Variants in ACOX3 observed in about 807,000 individuals in gnomAD.
ACOX3 encodes the protein peroxisomal acyl-coenzyme A oxidase 3.
In ACOX3, 73 loss-of-function variants were observed where a neutral mutation model predicts 81.5. The ratio of observed to expected loss-of-function variants is 0.90; its 90% CI spans 0.74 to 1.09. The LOEUF is 1.09. Ranked by LOEUF, ACOX3 falls within the 50% of genes least tolerant of loss-of-function variation. ACOX3 has a pLI of 0.00. For missense variants in ACOX3, 947 were observed against 928.0 expected, an observed-to-expected ratio of 1.02 and a Z score of -0.27; for synonymous variants, 387 against 375.1, an observed-to-expected ratio of 1.03 and a Z score of -0.37.
downstream of ACOX3, chr4:8,366,244 G>T (rs1334647340): frequency 6.6e-6 from 1 of 152,354 alleles, no homozygotes; most frequent in Non-Finnish European, 1.5e-5. Context: ...GCAAGGACTT[G>T]CTGGGTAGAC....
intron 6 of ACOX3, among the ~76,000 whole-genome samples, chr4:8,409,949 T>C (rs1025365236): frequency 5.3e-5 from 8 of 150,882 alleles, no homozygotes; most frequent in African/African-American, 2.0e-4. Flanking sequence ...CGGCTGTCTG[T>C]GCACTGTGGG....
chr4:8,371,575 C>A (rs1716202819), intron 16 of ACOX3, among the ~76,000 whole-genome samples: 1 of 148,878 alleles, frequency 6.7e-6, no homozygotes, highest in African/African-American at 2.6e-5. Flanking sequence ...AATGCCGTGG[C>A]TACACTGCAT....
At chr4:8,364,719 C>G (rs974779122), downstream of ACOX3, among the ~76,000 whole-genome samples, 33 of 152,352 alleles carry the variant, frequency 2.2e-4, no homozygotes, top group African/African-American at 7.9e-4. The surrounding 1 kb of genome is among the most constrained non-coding windows in gnomAD (Gnocchi z 5.0). Flanking sequence ...CTTGAACATA[C>G]CCTTGACCTT....
intron 5 of ACOX3, among the ~76,000 whole-genome samples, chr4:8,413,520 C>G (rs1722006681): frequency 6.9e-6 from 1 of 145,206 alleles, no homozygotes; most frequent in Non-Finnish European, 1.5e-5. Flanking sequence ...TCCATGCACC[C>G]CTCCATGCAC....
chr4:8,368,643 T>C lies in ACOX3; in HGVS notation c.1984-1563A>G. The stretch of plus-strand genomic sequence containing the variant: ...GATTTAAGGATGGTCTCAACTCCCC[T>C]GCAGCTCTGTTTGTTCGCTTATAGT... On this transcript the variant is annotated intron_variant, in intron 17 of 17. Transcript: ENST00000356406. The surrounding 1 kb of genome is among the most constrained non-coding windows in gnomAD (Gnocchi z 5.9). 6.6e-6 allele frequency among the ~76,000 whole-genome samples: 1 copy of C among 152,154 alleles called. No individual in the cohort carries two copies. Among genetic ancestry groups the C allele is most frequent in the East Asian group, 1.9e-4 (1 of 5,184 alleles).
chr4:8,434,656 G>C (rs923015390), intron 1 of ACOX3, among the ~76,000 whole-genome samples: 1 of 152,248 alleles, frequency 6.6e-6, no homozygotes, highest in Non-Finnish European at 1.5e-5. Flanking sequence ...TGGTAAGACT[G>C]GTCTTTGGAA....
Position 8,416,482 on chromosome 4 carries a change from G to A in ACOX3, c.40C>T (p.Pro14Ser). The A allele has an allele frequency of 6.2e-7, 1 of 1,613,714 alleles. No individual in the cohort carries two copies. Among genetic ancestry groups the A allele is most frequent in the South Asian group, 1.1e-5 (1 of 91,036 alleles). ...TVEGGDTALL[P>S]EFPRGPLDAY... ...TCGAGGGGCCCCCTGGGGAATTCTG[G>A]GAGCAGAGCTGTGTCGCCTCCTTCC... Residue 14 changes from proline (P) to serine (S), a missense_variant, in exon 2 of 18, where the codon CCA becomes TCA. By Grantham distance (74) the Pro-to-Ser change is moderately conservative. Transcript: ENST00000356406. The surrounding 1 kb of genome is among the most constrained non-coding windows in gnomAD (Gnocchi z 4.2).
chr4:8,392,060 G>A (rs550211218), intron 11 of ACOX3, among the ~76,000 whole-genome samples: 1 of 152,342 alleles, frequency 6.6e-6, no homozygotes, highest in African/African-American at 2.4e-5. Context: ...AACTTGTTCT[G>A]CAATGGACCA....
At chr4:8,436,641 A>G (rs1370413304) in intron 1 of ACOX3, among the ~76,000 whole-genome samples, 1 of 152,198 alleles carries the variant, frequency 6.6e-6, no homozygotes, top group Non-Finnish European at 1.5e-5. Context: ...GGAGCTGACA[A>G]GAGCCTAAGT....
At chr4:8,371,707 A>G (rs1245317057) in intron 16 of ACOX3, among the ~76,000 whole-genome samples, 1 of 152,286 alleles carries the variant, frequency 6.6e-6, no homozygotes, top group African/African-American at 2.4e-5. Context: ...CGCGCTCTGC[A>G]GGGCGTGGCC....
chr4:8,384,624 C>A lies in ACOX3; in HGVS notation c.1538-3017G>T, dbSNP rs1718082586. On this transcript the variant is annotated intron_variant, in intron 13 of 17. Coordinates refer to ENST00000356406, the MANE Select transcript of ACOX3 (RefSeq NM_003501.3). The surrounding 1 kb of genome is among the most constrained non-coding windows in gnomAD (Gnocchi z 5.3). ...CACCCAATGACTGCCCCTCGATCTG[C>A]CCCCTCCCCAGCTGGGGCTCTGTCC... Among the ~76,000 whole-genome samples the A allele has an allele frequency of 6.6e-6, 1 of 152,172 alleles. No homozygotes were observed. Among genetic ancestry groups the A allele is most frequent in the African/African-American group, 2.4e-5 (1 of 41,446 alleles).
At chr4:8,359,579 G>A in the ACOX3 span, among the ~76,000 whole-genome samples, 1 of 152,196 alleles carries the variant, frequency 6.6e-6, no homozygotes, top group South Asian at 2.1e-4. The surrounding 1 kb of genome is among the most constrained non-coding windows in gnomAD (Gnocchi z 6.0). Context: ...TGATGGCTGT[G>A]AGTGACAGAA....
At chr4:8,426,169 T>C (rs1435295995) in intron 1 of ACOX3, among the ~76,000 whole-genome samples, 1 of 151,912 alleles carries the variant, frequency 6.6e-6, no homozygotes, top group Non-Finnish European at 1.5e-5. Flanking sequence ...TAGCCAAATA[T>C]CAACAAGTTC....
In ACOX3 at chr4:8,381,073, A is replaced by G. The variant is rs1717585980; in HGVS notation, c.1653+419T>C. Reference sequence around the variant, plus strand: ...CAAGGCCAACGATGACCCACTCACCATTGCCACCCCAGCCCCTCGGGAAGG... The same window carrying G: ...CAAGGCCAACGATGACCCACTCACCGTTGCCACCCCAGCCCCTCGGGAAGG... On this transcript the variant is annotated intron_variant, in intron 14 of 17. Coordinates refer to ENST00000356406, the MANE Select transcript of ACOX3 (RefSeq NM_003501.3). This position sits in a 1 kb window ranked among gnomAD's most constrained non-coding sequence, Gnocchi z 4.3. 6.6e-6 allele frequency among the ~76,000 whole-genome samples: 1 copy of G among 152,246 alleles called. No homozygotes were observed. The highest frequency in any genetic ancestry group is 1.5e-5 in the Non-Finnish European group (1 of 68,016).
chr4:8,406,125 G>A lies in ACOX3; in HGVS notation c.688-82C>T. 1.4e-6 allele frequency: 2 copies of A among 1,408,366 alleles called. No individual in the cohort carries two copies. The highest frequency in any genetic ancestry group is 1.0e-6 in the Non-Finnish European group (1 of 997,752). The allele number at this position is 1,408,366 out of a possible 1,614,324, so 87.2% of individuals were successfully genotyped here. ...AAACAAATGTGTTCAGAAACCCACAGGGTGGGCCATGGGCTCAACGCTGGG... is the reference window on the plus strand; with the variant it reads ...AAACAAATGTGTTCAGAAACCCACAAGGTGGGCCATGGGCTCAACGCTGGG... On this transcript the variant is annotated intron_variant, in intron 6 of 17. Transcript: ENST00000356406. The surrounding 1 kb of genome is among the most constrained non-coding windows in gnomAD (Gnocchi z 5.6).
At chr4:8,440,269 C>T (rs1376133663) in intron 1 of ACOX3, among the ~76,000 whole-genome samples, 1 of 152,240 alleles carries the variant, frequency 6.6e-6, no homozygotes, top group African/African-American at 2.4e-5. Flanking sequence ...GCCGAATAAA[C>T]CTCTTTCTTC....
Position 8,392,434 on chromosome 4 carries a change from A to T in ACOX3, c.1199T>A (p.Ile400Asn), listed in dbSNP as rs377050864. Reference protein sequence around the residue: ...SARQAELGREIHALASASKPL... With the variant: ...SARQAELGRENHALASASKPL... ...CTTGCTGGCCGATGCCAGGGCGTGG[A>T]TCTCACGTCCAAGCTCTGCCTTTGG... is the stretch of plus-strand genomic sequence containing the variant. The change falls in exon 11 of 18, where the codon ATC becomes AAC. Residue 400 changes from isoleucine to asparagine, a missense_variant. Transcript: ENST00000356406. 3.7e-6 allele frequency: 6 copies of T among 1,600,898 alleles called. No individual in the cohort carries two copies. Among genetic ancestry groups the T allele is most frequent in the Non-Finnish European group, 5.1e-6 (6 of 1,175,240 alleles).
chr4:8,438,613 A>G (rs1480714954), intron 1 of ACOX3, among the ~76,000 whole-genome samples: 2 of 152,248 alleles, frequency 1.3e-5, no homozygotes, highest in African/African-American at 2.4e-5. Flanking sequence ...ATAGCCATAC[A>G]AAGTGTTTAT....
At chr4:8,379,829 G>T (rs987282243) in intron 14 of ACOX3, among the ~76,000 whole-genome samples, 1 of 151,976 alleles carries the variant, frequency 6.6e-6, no homozygotes, top group South Asian at 2.1e-4. Context: ...TCTGTTGCCC[G>T]TGCTGGAGTG....
Sources: gnomAD v4.1 joint callset for allele counts (sites outside exome capture counted in the v4.1 genomes callset) on GRCh38, gnomAD v4.1.1 for gene constraint, Gnocchi (gnomAD v3.1) non-coding constraint, MANE v1.5 for transcripts, NCBI Gene and HGNC (gene_info 2026-07-23, HGNC 2026-07-21) for gene names.